Variants in IGFBPL1 observed in about 807,000 individuals in gnomAD.
IGFBPL1 encodes insulin-like growth factor-binding protein-like 1.
A neutral mutation model predicts 23.9 loss-of-function variants in IGFBPL1; 20 were observed. The ratio of observed to expected loss-of-function variants is 0.84; its 90% CI spans 0.59 to 1.22. The LOEUF (loss-of-function observed/expected upper bound fraction) is 1.22, where lower values mean the gene tolerates loss of function less well. Ranked by LOEUF, IGFBPL1 falls within the 50% of genes most tolerant of loss-of-function variation. The pLI, the probability that IGFBPL1 is intolerant of heterozygous loss-of-function variation, is 0.00. For synonymous variants in IGFBPL1, 184 were observed against 171.8 expected, an observed-to-expected ratio of 1.07 and a Z score of -0.56; for missense variants, 436 against 379.3, an observed-to-expected ratio of 1.15 and a Z score of -1.24.
intron 1 of IGFBPL1, among the ~76,000 whole-genome samples, chr9:38,418,211 A>G (rs1483970005): frequency 6.6e-6 from 1 of 152,214 alleles, no homozygotes; most frequent in African/African-American, 2.4e-5. Flanking sequence ...GGAGTGCTCA[A>G]CGTCATGGCT....
In IGFBPL1 at chr9:38,414,169, G is replaced by C; in HGVS notation, c.495C>G (p.His165Gln). 6.2e-7 allele frequency: 1 copy of C among 1,611,192 alleles called. No homozygotes were observed. The highest frequency in any genetic ancestry group is 8.5e-7 in the Non-Finnish European group (1 of 1,178,636). ...GGCCCACCTGCGCCCCGGTGACGTTGTGAACACTTCGGGGAGGAACGACGA... is the reference window on the plus strand; with the variant it reads ...GGCCCACCTGCGCCCCGGTGACGTTCTGAACACTTCGGGGAGGAACGACGA... ...PVVVVPPRSVHNVTGAQVGLS... is the reference protein window; with the variant it reads ...PVVVVPPRSVQNVTGAQVGLS... The change falls in exon 2 of 5, where the codon CAC (histidine) becomes CAG (glutamine). Residue 165 changes from histidine to glutamine, a missense_variant. His to Gln is a conservative substitution (Grantham distance 24). Transcript: ENST00000377694.
At chr9:38,420,691 G>A (rs1270494579) in intron 1 of IGFBPL1, among the ~76,000 whole-genome samples, 1 of 152,214 alleles carries the variant, frequency 6.6e-6, no homozygotes, top group African/African-American at 2.4e-5. Flanking sequence ...AACAAAATTA[G>A]CCAGGCGTGG....
At position 38,424,015 on chromosome 9, in the gene IGFBPL1, C is replaced by A. The variant is rs1821721188; in HGVS notation, c.410G>T (p.Arg137Leu). 2 of 1,409,036 alleles carry A rather than the reference C, an allele frequency of 1.4e-6. No individual in the cohort carries two copies. Among genetic ancestry groups the A allele is most frequent in the East Asian group, 3.0e-5 (1 of 33,114 alleles). The allele number at this position is 1,409,036 out of a possible 1,614,324, so 87.3% of individuals were successfully genotyped here. The change falls in exon 1 of 5, where the codon CGC (arginine) becomes CTC (leucine). Residue 137 changes from arginine to leucine, a missense_variant. By Grantham distance (102) the Arg-to-Leu change is moderately radical. Coordinates refer to ENST00000377694, the MANE Select transcript of IGFBPL1 (RefSeq NM_001007563.3). ...CTTGTGCAGGTGACCGGGGTGCGCG[C>A]GGGGCGTGTGCCGAGCGCGCAGGCG... ...ALRLRARHTP[R>L]AHPGHLHKAR... is the part of the protein sequence containing the mutation.
chr9:38,424,302 G>T lies in IGFBPL1; in HGVS notation c.123C>A (p.Cys41Ter). 2 of 1,273,276 alleles carry T rather than the reference G, an allele frequency of 1.6e-6. No individual in the cohort carries two copies. The highest frequency in any genetic ancestry group is 2.1e-6 in the Non-Finnish European group (2 of 975,340). 78.9% of individuals were successfully genotyped at this position (1,273,276 alleles called of 1,614,324 possible). ...VGGRRPKCGP[C>*]RPEGCPAPAP... ...CAGGCGCCGGGCAGCCCTCTGGCCGGCACGGACCACACTTGGGGCGCCGGC... is the reference window on the plus strand; with the variant it reads ...CAGGCGCCGGGCAGCCCTCTGGCCGTCACGGACCACACTTGGGGCGCCGGC... The change falls in exon 1 of 5, where the codon TGC becomes TGA. Residue 41 changes from cysteine (C) to a stop codon, truncating the protein, a stop_gained. Coordinates refer to ENST00000377694, the MANE Select transcript of IGFBPL1 (RefSeq NM_001007563.3). LOFTEE classifies it high-confidence loss of function.
chr9:38,419,698 C>G (rs769742394), intron 1 of IGFBPL1, among the ~76,000 whole-genome samples: 4 of 152,148 alleles, frequency 2.6e-5, no homozygotes, highest in African/African-American at 4.8e-5. Flanking sequence ...AACTATCCAG[C>G]CTTTAAAGTA....
At chr9:38,423,364 C>T (rs1821708585) in intron 1 of IGFBPL1, among the ~76,000 whole-genome samples, 1 of 152,182 alleles carries the variant, frequency 6.6e-6, no homozygotes, top group Non-Finnish European at 1.5e-5. Flanking sequence ...GAGTCTGCCC[C>T]TAATAGCACC....
At chr9:38,423,166 G>A (rs1298356881) in intron 1 of IGFBPL1, among the ~76,000 whole-genome samples, 3 of 152,054 alleles carry the variant, frequency 2.0e-5, no homozygotes, top group Non-Finnish European at 2.9e-5. Context: ...TTTTTGTTTG[G>A]TTTTCAAAAG....
At chr9:38,414,315 G>T in intron 1 of IGFBPL1, 112 bp from the exon 2 acceptor site, 1 of 634,278 alleles carries the variant, frequency 1.6e-6, no homozygotes, top group Non-Finnish European at 2.8e-6. Flanking sequence ...CATGAGGGGA[G>T]CGGCACATCA....
rs201813668 is a variant in IGFBPL1 at position 38,407,956 on chromosome 9, G to A, written c.*1271C>T. On this transcript the variant is annotated 3_prime_UTR_variant, in exon 5 of 5. Coordinates refer to ENST00000377694, the MANE Select transcript of IGFBPL1 (RefSeq NM_001007563.3). ...TCTCCTTTCTTTTTTCATTAAAAAA[G>A]AAAAAAAAGAGAGCCTTACTCTTGG... 2.0e-5 allele frequency among the ~76,000 whole-genome samples: 3 copies of A among 151,088 alleles called. No individual in the cohort carries two copies. Among genetic ancestry groups the A allele is most frequent in the Non-Finnish European group, 3.0e-5 (2 of 67,790 alleles).
rs576011484 is a variant in IGFBPL1 at position 38,413,437 on chromosome 9, CCTT to C, written c.571-87_571-85del. On this transcript the variant is annotated intron_variant, in intron 2 of 4. Transcript: ENST00000377694. The stretch of plus-strand genomic sequence containing the variant: ...ATCCCATAGGCTTCCTTGCCCTCCT[CCTT>C]CCTCCTCCTCCCACTGACTCAAAAA... 3.3e-4 allele frequency: 268 copies of C among 810,108 alleles called. 1 individual carries two copies. In the African/African-American group the frequency reaches 4.0e-3, roughly 12 times the overall value. 50.2% of individuals were successfully genotyped at this position (810,108 alleles called of 1,614,324 possible). A position where few individuals can be genotyped will look rare whatever the true frequency, so the allele number is the denominator to read the frequency against.
chr9:38,409,928 C>T (rs1473658912), intron 4 of IGFBPL1, among the ~76,000 whole-genome samples: 1 of 152,172 alleles, frequency 6.6e-6, no homozygotes, highest in African/African-American at 2.4e-5. Context: ...CCTCCCATTC[C>T]CTTACATCGC....
intron 1 of IGFBPL1, among the ~76,000 whole-genome samples, chr9:38,417,286 C>T (rs768594993): frequency 2.6e-5 from 4 of 152,200 alleles, no homozygotes; most frequent in Admixed American, 1.3e-4. Flanking sequence ...ACTGTGCTAA[C>T]ACCATCCTGC....
At chr9:38,417,014 C>A (rs1407876521) in intron 1 of IGFBPL1, among the ~76,000 whole-genome samples, 2 of 152,104 alleles carry the variant, frequency 1.3e-5, no homozygotes, top group African/African-American at 2.4e-5. Flanking sequence ...TTTAACATAT[C>A]TGATTTTAAA....
chr9:38,422,683 G>T (rs536715781), intron 1 of IGFBPL1, among the ~76,000 whole-genome samples: 1 of 152,280 alleles, frequency 6.6e-6, no homozygotes, highest in Admixed American at 6.5e-5. Context: ...GTCCTCCATG[G>T]GGAGCTTCAG....
intron 3 of IGFBPL1, among the ~76,000 whole-genome samples, chr9:38,412,435 C>T (rs758441527): frequency 2.0e-5 from 3 of 152,198 alleles, no homozygotes; most frequent in Non-Finnish European, 2.9e-5. Context: ...CCTATCTCCT[C>T]ATTCCATCAC....
In IGFBPL1 at chr9:38,408,249, T is replaced by C. The variant is rs1380093077; in HGVS notation, c.*978A>G. The stretch of plus-strand genomic sequence containing the variant: ...GGCGGCAACATAGGGAGACCCTGTC[T>C]CTACAAAAAAAAAAAAAAAAAAAAA... On this transcript the variant is annotated 3_prime_UTR_variant, in exon 5 of 5. Transcript: ENST00000377694. 2.0e-5 allele frequency among the ~76,000 whole-genome samples: 1 copy of C among 50,668 alleles called. No individual in the cohort carries two copies. The highest frequency in any genetic ancestry group is 4.6e-5 in the Non-Finnish European group (1 of 21,690). The allele number at this position is 50,668 out of a possible 152,430, so 33.2% of individuals were successfully genotyped here.
chr9:38,409,848 C>T (rs1304472412), intron 4 of IGFBPL1, among the ~76,000 whole-genome samples: 2 of 152,190 alleles, frequency 1.3e-5, no homozygotes, highest in African/African-American at 4.8e-5. Context: ...CTTCAATCCT[C>T]ATGCCACCTC....
intron 1 of IGFBPL1, among the ~76,000 whole-genome samples, chr9:38,420,549 G>T (rs1244154309): frequency 6.6e-6 from 1 of 152,224 alleles, no homozygotes; most frequent in African/African-American, 2.4e-5. Flanking sequence ...AAATAGCGAG[G>T]CAGGCCAGGC....
chr9:38,421,899 T>C (rs556522223), intron 1 of IGFBPL1, among the ~76,000 whole-genome samples: 10 of 152,344 alleles, frequency 6.6e-5, no homozygotes, highest in Admixed American at 2.0e-4. Context: ...CGGGGAGGCC[T>C]GACGCCTGTC....
Sources: gnomAD v4.1 joint callset for allele counts (sites outside exome capture counted in the v4.1 genomes callset) on GRCh38, gnomAD v4.1.1 for gene constraint, MANE v1.5 for transcripts, NCBI Gene and HGNC (gene_info 2026-07-23, HGNC 2026-07-21) for gene names.